Variants in RBM34 observed in about 807,000 individuals in gnomAD.
RBM34 encodes RNA binding motif protein 34.
RBM34 carries 39 observed loss-of-function variants against 44.6 expected under a neutral mutation model. The observed-to-expected ratio is 0.87, with a 90% CI of 0.68 to 1.14. The LOEUF (loss-of-function observed/expected upper bound fraction) is 1.14. Ranked by LOEUF, RBM34 falls within the 50% of genes most tolerant of loss-of-function variation. The probability of loss-of-function intolerance (pLI) is 0.00; values close to 1 mark genes in which losing one functional copy is unlikely to be tolerated. For missense variants in RBM34, 572 were observed against 517.9 expected (o/e 1.10, Z -1.01); for synonymous variants, 194 against 184.0 (o/e 1.05, Z -0.44).
At chr1:235,145,243 C>T (rs1458253300) in intron 6 of RBM34, among the ~76,000 whole-genome samples, 1 of 151,770 alleles carries the variant, frequency 6.6e-6, no homozygotes, top group African/African-American at 2.4e-5. Context: ...AGAAATACCA[C>T]ACTCAGGTTT....
rs780433442 is a variant in RBM34, at chr1:235,160,950, C to T, written c.171G>A (p.Ala57=). 3.1e-6 allele frequency: 5 copies of T among 1,614,022 alleles called. No individual in the cohort carries two copies. Among genetic ancestry groups the T allele is most frequent in the Non-Finnish European group, 4.2e-6 (5 of 1,180,044 alleles). Residue 57 remains alanine (A), a synonymous_variant, in exon 2 of 11, where the codon GCG becomes GCA. Transcript: ENST00000408888. ...GGGGCTCCAGAGAACTGAAGAGGGA[C>T]GCCAGCCGACCGGTGCCACCTCTGG... The part of the protein sequence containing the change: ...HHSRGGTGRL[A]SLFSSLEPQI...
At chr1:235,134,963 C>T (rs1445961535) in intron 10 of RBM34, among the ~76,000 whole-genome samples, 2 of 151,520 alleles carry the variant, frequency 1.3e-5, no homozygotes, top group Admixed American at 6.6e-5. Flanking sequence ...AGGCTGGTCT[C>T]GAATTCCCGA....
At chr1:235,151,331 T>C (rs577736145) in intron 5 of RBM34, among the ~76,000 whole-genome samples, 3 of 152,192 alleles carry the variant, frequency 2.0e-5, no homozygotes, top group East Asian at 1.9e-4. Context: ...AGCAGATATA[T>C]TGAAATCAGG....
Position 235,137,872 on chromosome 1 carries a change from C to A in RBM34, c.849+5G>T, listed in dbSNP as rs1488867611. ...CGTTCTTTAAACAAATCAAGTACTACTTACAGATGAGGTCTCAGATGCGAG... is the reference window on the plus strand; with the variant it reads ...CGTTCTTTAAACAAATCAAGTACTAATTACAGATGAGGTCTCAGATGCGAG... On this transcript the variant is annotated splice_donor_5th_base_variant and intron_variant, in intron 8 of 10. Transcript: ENST00000408888. 6.3e-7 allele frequency: 1 copy of A among 1,587,516 alleles called. No individual in the cohort carries two copies. Among genetic ancestry groups the A allele is most frequent in the Non-Finnish European group, 8.6e-7 (1 of 1,159,980 alleles).
chr1:235,135,596 G>A lies in RBM34; in HGVS notation c.1008+56C>T, dbSNP rs566205281. 39 of 1,380,296 alleles carry A rather than the reference G, an allele frequency of 2.8e-5. 1 individual carries two copies. In the South Asian group the frequency reaches 4.2e-4, roughly 15 times the overall value. 85.5% of individuals were successfully genotyped at this position (1,380,296 alleles called of 1,614,324 possible). A position where few individuals can be genotyped will look rare whatever the true frequency, so the allele number is the denominator to read the frequency against. ...TGTCTCAATGATGACATGCAACAGT[G>A]TCAATGCCTCCCAGGGCACTTCGAA... On this transcript the variant is annotated intron_variant, in intron 10 of 10. Transcript: ENST00000408888.
In RBM34 at chr1:235,131,824, T is replaced by C; in HGVS notation, c.1182A>G (p.Ala394=). The change falls in exon 11 of 11, where the codon GCA becomes GCG. Residue 394 remains alanine (A), a synonymous_variant. Transcript: ENST00000408888. ...KQGLNFTSKT[A]EGHPKSLFIG... is the part of the protein sequence containing the mutation. ...TAAATAAGCTTTTAGGATGTCCTTCTGCAGTTTTGGAAGTAAAATTAAGTC... is the reference window on the plus strand; with the variant it reads ...TAAATAAGCTTTTAGGATGTCCTTCCGCAGTTTTGGAAGTAAAATTAAGTC... 1 of 1,614,202 alleles carries C rather than the reference T, an allele frequency of 6.2e-7. No homozygotes were observed. The highest frequency in any genetic ancestry group is 8.5e-7 in the Non-Finnish European group (1 of 1,180,018).
intron 10 of RBM34, among the ~76,000 whole-genome samples, chr1:235,133,006 G>T (rs181780809): frequency 6.6e-6 from 1 of 152,158 alleles, no homozygotes; most frequent in Non-Finnish European, 1.5e-5. Flanking sequence ...ATCCTAATGG[G>T]GATCTATCTT....
chr1:235,154,849 C>G, intron 4 of RBM34, 32 bp downstream of exon 4: 1 of 1,540,726 alleles, frequency 6.5e-7, no homozygotes, highest in African/African-American at 1.4e-5. Flanking sequence ...AAGTTATTAA[C>G]TTCTCTGAAC....
In RBM34 at chr1:235,138,995, C is replaced by T. The variant is rs551221281; in HGVS notation, c.702-821G>A. Among the ~76,000 whole-genome samples, 9 of 152,258 alleles carry T rather than the reference C, an allele frequency of 5.9e-5. No individual in the cohort carries two copies. In the Middle Eastern group the frequency reaches 0.01, roughly 174 times the overall value. On this transcript the variant is annotated intron_variant, in intron 6 of 10. Transcript: ENST00000408888. ...TCAGACTCAGACATGACCCCTTTGTCGCGACTGCTGGTGGGTGTTGTGTTC... is the reference window on the plus strand; with the variant it reads ...TCAGACTCAGACATGACCCCTTTGTTGCGACTGCTGGTGGGTGTTGTGTTC...
Sources: allele counts gnomAD v4.1 joint callset (sites outside exome capture counted in the v4.1 genomes callset), GRCh38; gene constraint gnomAD v4.1.1; transcripts MANE v1.5; gene names NCBI Gene and HGNC (gene_info 2026-07-23, HGNC 2026-07-21).